The following RIMS2 variants were observed in gnomAD, a reference collection of about 807,000 sequenced individuals.
The protein encoded by RIMS2 is regulating synaptic membrane exocytosis 2.
RIMS2 carries 59 observed loss-of-function variants against 174.4 expected under a neutral mutation model. The observed-to-expected ratio is 0.34, with a 90% CI of 0.27 to 0.42. The LOEUF is 0.42. Among genes scored for constraint, RIMS2 ranks in the 10% least tolerant of loss-of-function variants. RIMS2 has a pLI of 1.00. For missense variants in RIMS2, 1,620 were observed against 1,666.3 expected (o/e 0.97, Z 0.48); for synonymous variants, 606 against 572.5 (o/e 1.06, Z -0.84).
intron 1 of RIMS2, among the ~76,000 whole-genome samples, chr8:103,570,133 C>T (rs1047333167): frequency 3.3e-5 from 5 of 152,070 alleles, no homozygotes; most frequent in African/African-American, 1.2e-4. Flanking sequence ...ATTAGGTAAC[C>T]CTTCTTTGTG....
At chr8:104,142,101 T>A (rs1281551155) in intron 19 of RIMS2, among the ~76,000 whole-genome samples, 1 of 151,308 alleles carries the variant, frequency 6.6e-6, no homozygotes, top group African/African-American at 2.4e-5. Context: ...TTTTTGTTTA[T>A]TTCAAAGTAA....
chr8:103,948,696 G>T (rs1004466753), intron 14 of RIMS2, among the ~76,000 whole-genome samples: 2 of 152,158 alleles, frequency 1.3e-5, no homozygotes, highest in African/African-American at 2.4e-5. Flanking sequence ...GAAAATGGGT[G>T]TGAACAATCT....
chr8:103,605,314 G>C (rs564747603), intron 1 of RIMS2, among the ~76,000 whole-genome samples: 1 of 142,754 alleles, frequency 7.0e-6, no homozygotes, highest in South Asian at 2.2e-4. Context: ...ATTGATTTGC[G>C]TATATTGAAC....
chr8:103,910,027 G>A, intron 4 of RIMS2: 1 of 643,010 alleles, frequency 1.6e-6, no homozygotes, highest in Non-Finnish European at 2.8e-6. Flanking sequence ...TACAGACAAA[G>A]TTCTTGAGAC....
chr8:103,619,796 A>C (rs1194613314), intron 1 of RIMS2, among the ~76,000 whole-genome samples: 1 of 151,352 alleles, frequency 6.6e-6, no homozygotes, highest in Non-Finnish European at 1.5e-5. Context: ...TCTCCCTTTA[A>C]TCCGCATTTT....
intron 3 of RIMS2, among the ~76,000 whole-genome samples, chr8:103,838,549 T>A (rs1192425333): frequency 6.6e-6 from 1 of 152,196 alleles, no homozygotes; most frequent in Non-Finnish European, 1.5e-5. Flanking sequence ...GTTTTCATCA[T>A]GTGATTTGTG....
chr8:103,843,208 G>T (rs764889064), intron 3 of RIMS2, among the ~76,000 whole-genome samples: 1 of 152,190 alleles, frequency 6.6e-6, no homozygotes, highest in Non-Finnish European at 1.5e-5. Flanking sequence ...ATTTTCATGA[G>T]AATTTAGAGC....
intron 3 of RIMS2, among the ~76,000 whole-genome samples, chr8:103,842,395 AAAAT>A (rs1396941920): frequency 4.6e-5 from 7 of 152,164 alleles, no homozygotes; most frequent in East Asian, 1.9e-4. Context: ...AATATAACTA[AAAAT>A]AAATAATGTG....
exon 24 of RIMS2, chr8:104,251,814 T>C: frequency 6.3e-7 from 1 of 1,587,878 alleles, no homozygotes; most frequent in Non-Finnish European, 8.6e-7. Flanking sequence ...CTTACTCTCG[T>C]TCATAGCAGC....
At chr8:103,631,649 T>C (rs2095924649) in intron 1 of RIMS2, among the ~76,000 whole-genome samples, 2 of 152,230 alleles carry the variant, frequency 1.3e-5, no homozygotes, top group African/African-American at 4.8e-5. Context: ...TAAAATAGAT[T>C]GTTCTAGTTC....
At chr8:104,002,815 G>A (rs891567930) in intron 17 of RIMS2, among the ~76,000 whole-genome samples, 2 of 152,080 alleles carry the variant, frequency 1.3e-5, no homozygotes, top group South Asian at 4.1e-4. Context: ...ACCTCTTTGG[G>A]AACAGGAGAG....
intron 3 of RIMS2, among the ~76,000 whole-genome samples, chr8:103,785,421 C>T (rs1342818925): frequency 1.3e-5 from 2 of 151,620 alleles, no homozygotes; most frequent in African/African-American, 4.9e-5. Flanking sequence ...ATAGATAGCT[C>T]TTCTTATTTT....
intron 19 of RIMS2, among the ~76,000 whole-genome samples, chr8:104,049,512 G>T (rs910921951): frequency 1.3e-5 from 2 of 152,076 alleles, no homozygotes; most frequent in Non-Finnish European, 2.9e-5. Context: ...ATTCTCTGTT[G>T]CCCTGTTTAG....
chr8:103,923,705 A>G (rs1565339184), intron 10 of RIMS2, among the ~76,000 whole-genome samples: 2 of 151,724 alleles, frequency 1.3e-5, no homozygotes, highest in South Asian at 2.1e-4. Flanking sequence ...TTTTAGCTGT[A>G]TATGTTTTGA....
chr8:103,585,877 C>A, intron 1 of RIMS2, among the ~76,000 whole-genome samples: 1 of 149,350 alleles, frequency 6.7e-6, no homozygotes. Flanking sequence ...CACATGTATC[C>A]CAGAACTTAA....
intron 1 of RIMS2, among the ~76,000 whole-genome samples, chr8:103,637,027 G>C (rs1014844347): frequency 6.6e-5 from 10 of 152,144 alleles, no homozygotes; most frequent in Non-Finnish European, 1.5e-4. Flanking sequence ...ACCCAAACTA[G>C]AAGGCTCTCT....
intron 1 of RIMS2, among the ~76,000 whole-genome samples, chr8:103,583,274 T>C (rs1455452661): frequency 6.6e-6 from 1 of 151,944 alleles, no homozygotes; most frequent in East Asian, 1.9e-4. Flanking sequence ...CACAACATCA[T>C]AGTCCCTTCA....
At chr8:104,066,709 G>A (rs924601586) in intron 19 of RIMS2, among the ~76,000 whole-genome samples, 1 of 152,058 alleles carries the variant, frequency 6.6e-6, no homozygotes, top group East Asian at 1.9e-4. Context: ...TATTAACCTA[G>A]CATTAATATT....
At chr8:103,613,349 G>A (rs1338804668) in intron 1 of RIMS2, among the ~76,000 whole-genome samples, 2 of 149,518 alleles carry the variant, frequency 1.3e-5, no homozygotes, top group Admixed American at 6.6e-5. Flanking sequence ...AGGTGGTAGG[G>A]AAGATTCTGC....
Sources: allele counts gnomAD v4.1 joint callset (sites outside exome capture counted in the v4.1 genomes callset), GRCh38; gene constraint gnomAD v4.1.1; transcripts MANE v1.5; gene names NCBI Gene and HGNC (gene_info 2026-07-23, HGNC 2026-07-21).